The following TBC1D9 variants were observed in gnomAD, a reference collection of about 807,000 sequenced individuals.
TBC1D9 encodes the protein TBC1 domain family member 9.
Under a neutral mutation model 132.0 loss-of-function variants are expected in TBC1D9, and 63 were observed. The ratio of observed to expected loss-of-function variants is 0.48; its 90% confidence interval spans 0.39 to 0.59. The LOEUF (loss-of-function observed/expected upper bound fraction) is 0.59, where lower values mean the gene tolerates loss of function less well. Ranked by LOEUF, TBC1D9 falls within the 20% of genes least tolerant of loss-of-function variation. The pLI, the probability that TBC1D9 is intolerant of heterozygous loss-of-function variation, is 0.00. For missense variants in TBC1D9, 1,261 were observed against 1,592.7 expected, an observed-to-expected ratio of 0.79 and a Z score of 3.54; for synonymous variants, 610 against 609.9, an observed-to-expected ratio of 1.00 and a Z score of 0.00.
At chr4:140,641,647 G>C (rs1043603607) in intron 13 of TBC1D9, among the ~76,000 whole-genome samples, 9 of 151,200 alleles carry the variant, frequency 6.0e-5, no homozygotes, top group South Asian at 2.1e-4. Context: ...GGGGTAGGGG[G>C]AGGAGGGCGG....
At chr4:140,704,507 A>G (rs1738121633) in intron 1 of TBC1D9, among the ~76,000 whole-genome samples, 1 of 152,058 alleles carries the variant, frequency 6.6e-6, no homozygotes, top group African/African-American at 2.4e-5. Context: ...GAGTATCATC[A>G]AAGACCAAGA....
intron 1 of TBC1D9, among the ~76,000 whole-genome samples, chr4:140,720,261 GC>G (rs1271803616): frequency 1.3e-5 from 2 of 152,114 alleles, no homozygotes; most frequent in Non-Finnish European, 1.5e-5. Context: ...AAGATAAACT[GC>G]TTAAACTTTA....
At chr4:140,647,038 A>C (rs1446856193) in intron 13 of TBC1D9, among the ~76,000 whole-genome samples, 1 of 152,222 alleles carries the variant, frequency 6.6e-6, no homozygotes, top group Non-Finnish European at 1.5e-5. Flanking sequence ...AAAAGCAGTG[A>C]GCATCCATTG....
At chr4:140,629,816 G>A (rs545157788) in intron 16 of TBC1D9, among the ~76,000 whole-genome samples, 29 of 152,214 alleles carry the variant, frequency 1.9e-4, no homozygotes, top group African/African-American at 6.0e-4. Flanking sequence ...CTAAACTCCC[G>A]GATGTTTGCA....
At chr4:140,751,272 A>C (rs574647373) in intron 1 of TBC1D9, among the ~76,000 whole-genome samples, 7 of 152,368 alleles carry the variant, frequency 4.6e-5, no homozygotes, top group African/African-American at 1.7e-4. Flanking sequence ...AACCCAAAAC[A>C]GACCCACACA....
chr4:140,666,437 G>T (rs760622301), intron 9 of TBC1D9, among the ~76,000 whole-genome samples: 3 of 152,164 alleles, frequency 2.0e-5, no homozygotes, highest in Non-Finnish European at 2.9e-5. Flanking sequence ...CCGGGTTCAC[G>T]CCATTCTCCT....
intron 1 of TBC1D9, among the ~76,000 whole-genome samples, chr4:140,746,220 T>G (rs561341606): frequency 6.6e-6 from 1 of 152,220 alleles, no homozygotes; most frequent in Admixed American, 6.5e-5. Context: ...CTAAACATAG[T>G]TGATACACAA....
chr4:140,643,603 C>T lies in TBC1D9; in HGVS notation c.2338-4175G>A, dbSNP rs1206656195. 1.5e-5 allele frequency: 14 copies of T among 928,446 alleles called. No homozygotes were observed. In the Middle Eastern group the frequency reaches 9.9e-4, roughly 66 times the overall value. 57.5% of individuals were successfully genotyped at this position (928,446 alleles called of 1,614,324 possible). A position where few individuals can be genotyped will look rare whatever the true frequency, so the allele number is the denominator to read the frequency against. On this transcript the variant is annotated intron_variant, in intron 13 of 20. Transcript: ENST00000442267. ...AGGGCCGCCTGGGCCAGGCCTTCCTCCGGCGCTGCCTCTGCCGCAGGAACC... is the reference window on the plus strand; with the variant it reads ...AGGGCCGCCTGGGCCAGGCCTTCCTTCGGCGCTGCCTCTGCCGCAGGAACC...
chr4:140,737,078 G>A (rs749080684), intron 1 of TBC1D9, among the ~76,000 whole-genome samples: 10 of 152,194 alleles, frequency 6.6e-5, no homozygotes, highest in Admixed American at 3.3e-4. Flanking sequence ...TTAGATTCTC[G>A]TAAGGAGCCC....
At chr4:140,643,821 G>T in intron 13 of TBC1D9, 1 of 742,972 alleles carries the variant, frequency 1.3e-6, no homozygotes, top group East Asian at 2.6e-5. Context: ...CAGCGCCTGG[G>T]CCTCCAACGG....
chr4:140,657,491 C>T (rs771766614), intron 12 of TBC1D9, 36 bp downstream of exon 12: 25 of 1,571,812 alleles, frequency 1.6e-5, no homozygotes, highest in Non-Finnish European at 1.9e-5. Flanking sequence ...GGAAGAAAAC[C>T]GGAGATGGTT....
intron 2 of TBC1D9, among the ~76,000 whole-genome samples, chr4:140,689,315 T>C (rs4956476): frequency 0.043 from 6,544 of 152,170 alleles, 172 homozygotes; most frequent in Middle Eastern, 0.11. Flanking sequence ...TCCTTGGTTG[T>C]CGTGGATAGA....
intron 1 of TBC1D9, among the ~76,000 whole-genome samples, chr4:140,717,590 A>AG (rs1280488535): frequency 1.3e-5 from 2 of 152,356 alleles, no homozygotes; most frequent in East Asian, 3.9e-4. Flanking sequence ...AAAATGGGCA[A>AG]GGGCAGCACT....
intron 1 of TBC1D9, among the ~76,000 whole-genome samples, chr4:140,713,542 C>G (rs1180316285): frequency 1.3e-5 from 2 of 151,910 alleles, no homozygotes; most frequent in African/African-American, 2.4e-5. Context: ...TCTGAGACAG[C>G]CTGGGCAATA....
Position 140,657,559 on chromosome 4 carries a change from C to T in TBC1D9, c.2175G>A (p.Lys725=), listed in dbSNP as rs763375570. Residue 725 remains lysine (K), a synonymous_variant, in exon 12 of 21, where the codon AAG becomes AAA. Coordinates refer to ENST00000442267, the MANE Select transcript of TBC1D9 (RefSeq NM_015130.3). The part of the protein sequence containing the change: ...DANVDKLLNC[K]DDGEAMTVLG... ...AAACGGTCATGGCCTCCCCATCATC[C>T]TTGCAGTTCAACAGTTTGTCCACAT... 1 of 1,613,928 alleles carries T rather than the reference C, an allele frequency of 6.2e-7. No individual in the cohort carries two copies. Among genetic ancestry groups the T allele is most frequent in the Non-Finnish European group, 8.5e-7 (1 of 1,179,848 alleles).
chr4:140,676,437 G>C (rs1322623332), intron 6 of TBC1D9, among the ~76,000 whole-genome samples: 2 of 152,220 alleles, frequency 1.3e-5, no homozygotes, highest in Non-Finnish European at 1.5e-5. Context: ...TGGATCACCT[G>C]AGGCCAGGAG....
At position 140,679,183 on chromosome 4, in the gene TBC1D9, C is replaced by A. The variant is rs762507536; in HGVS notation, c.610G>T (p.Val204Leu). The A allele has an allele frequency of 6.2e-7, 1 of 1,613,372 alleles. No individual in the cohort carries two copies. The highest frequency in any genetic ancestry group is 1.1e-5 in the South Asian group (1 of 91,026). Residue 204 changes from valine to leucine, a missense_variant, in exon 5 of 21, where the codon GTA becomes TTA. By Grantham distance (32) the Val-to-Leu change is conservative (BLOSUM62 1). This residue lies in a region of TBC1D9 where 550 missense variants were observed against 699.0 expected (regional missense o/e 0.79). Coordinates refer to ENST00000442267, the MANE Select transcript of TBC1D9 (RefSeq NM_015130.3). ...TTCTTCTCAAGCTGAGTGATGTCTA[C>A]CCACCGGATGACCAGTTTCGCTGAG... ...GREAKLVIRW[V>L]DITQLEKNAT...
chr4:140,748,449 G>A (rs924296855), intron 1 of TBC1D9, among the ~76,000 whole-genome samples: 1 of 152,106 alleles, frequency 6.6e-6, no homozygotes, highest in African/African-American at 2.4e-5. Context: ...GACAGTGGAT[G>A]AGAATTTTAC....
At chr4:140,668,742 A>G (rs1737486614) in intron 9 of TBC1D9, among the ~76,000 whole-genome samples, 175 bp downstream of exon 9, 1 of 152,216 alleles carries the variant, frequency 6.6e-6, no homozygotes, top group Admixed American at 6.5e-5. Flanking sequence ...CTATAGTTTT[A>G]CAAAGGGAAC....
Sources: allele counts gnomAD v4.1 joint callset (sites outside exome capture counted in the v4.1 genomes callset), GRCh38; gene constraint gnomAD v4.1.1; regional missense constraint gnomAD v4.1.1; transcripts MANE v1.5; gene names NCBI Gene and HGNC (gene_info 2026-07-23, HGNC 2026-07-21).